NCOA7: variants seen among roughly 807,000 people sequenced by gnomAD.
The protein encoded by NCOA7 is nuclear receptor coactivator 7.
Under a neutral mutation model 104.3 loss-of-function variants are expected in NCOA7, and 45 were observed. The ratio of observed to expected loss-of-function variants is 0.43; its 90% CI spans 0.34 to 0.55. The LOEUF (loss-of-function observed/expected upper bound fraction) is 0.55, where lower values mean the gene tolerates loss of function less well. Among genes scored for constraint, NCOA7 ranks in the 20% least tolerant of loss-of-function variants. The pLI, the probability that NCOA7 is intolerant of heterozygous loss-of-function variation, is 0.02. For synonymous variants in NCOA7, 398 were observed against 402.3 expected, an observed-to-expected ratio of 0.99 and a Z score of 0.13; for missense variants, 1,041 against 1,119.7, an observed-to-expected ratio of 0.93 and a Z score of 1.00.
At chr6:125,876,435 T>C (rs1253028956) in intron 4 of NCOA7, among the ~76,000 whole-genome samples, 1 of 152,154 alleles carries the variant, frequency 6.6e-6, no homozygotes, top group Non-Finnish European at 1.5e-5. Flanking sequence ...ACTCAAGAAG[T>C]ATTGGACTCA....
At chr6:125,846,359 A>C (rs890029060) in intron 2 of NCOA7, among the ~76,000 whole-genome samples, 17 of 72,562 alleles carry the variant, frequency 2.3e-4, no homozygotes, top group Middle Eastern at 6.8e-3. Context: ...AAAGAAAAAA[A>C]AATTTTTTTT....
intron 2 of NCOA7, among the ~76,000 whole-genome samples, chr6:125,836,457 G>C (rs1483722974): frequency 6.6e-6 from 1 of 152,166 alleles, no homozygotes; most frequent in East Asian, 1.9e-4. Flanking sequence ...TGTTTGAACT[G>C]TAGCTGATAT....
In NCOA7 at chr6:125,855,200, G is replaced by A. The variant is rs745327382; in HGVS notation, c.231G>A (p.Lys77=). 1.9e-6 allele frequency: 3 copies of A among 1,612,550 alleles called. No individual in the cohort carries two copies. The highest frequency in any genetic ancestry group is 2.2e-5 in the East Asian group (1 of 44,842). Residue 77 remains lysine (K), a synonymous_variant, in exon 3 of 16, where the codon AAG becomes AAA. Coordinates refer to ENST00000392477, the MANE Select transcript of NCOA7 (RefSeq NM_181782.5). ...AAAAGAGAAAAAGTAATCAGTTAAA[G>A]GAGATCAGGCGTACAGAACTAAAGA... ...EKKKRKSNQL[K]EIRRTELKRY...
rs376310829 is a variant in NCOA7, at chr6:125,915,373, G to T, written c.2137G>T (p.Asp713Tyr). Reference sequence around the variant, plus strand: ...CACATTCTTTGTTCAGTGGTCTCCCGATGTCTATGGAAAAGATGCCAAAGA... The same window carrying T: ...CACATTCTTTGTTCAGTGGTCTCCCTATGTCTATGGAAAAGATGCCAAAGA... ...LYTFFVQWSP[D>Y]VYGKDAKEQG... is the part of the protein sequence containing the mutation. The change falls in exon 11 of 16, where the codon GAT becomes TAT. Residue 713 changes from aspartate (D) to tyrosine (Y), a missense_variant. Asp to Tyr is a radical substitution (Grantham distance 160). Around this residue, in one of 2 missense-constraint regions of NCOA7, gnomAD observed 914 missense variants for 942.7 expected, o/e 0.97. Coordinates refer to ENST00000392477, the MANE Select transcript of NCOA7 (RefSeq NM_181782.5). 7 of 1,613,686 alleles carry T rather than the reference G, an allele frequency of 4.3e-6. No individual in the cohort carries two copies. The highest frequency in any genetic ancestry group is 5.9e-6 in the Non-Finnish European group (7 of 1,179,812).
intron 11 of NCOA7, chr6:125,919,542 T>C: frequency 9.5e-7 from 1 of 1,057,778 alleles, no homozygotes; most frequent in Non-Finnish European, 1.4e-6. Context: ...TGCTGACATT[T>C]CTACCAGCAG....
chr6:125,925,908 A>G (rs1320871432), intron 13 of NCOA7, among the ~76,000 whole-genome samples: 2 of 152,232 alleles, frequency 1.3e-5, no homozygotes, highest in Non-Finnish European at 2.9e-5. Context: ...ATAGAAAAAA[A>G]GACATTTTCT....
At chr6:125,815,750 G>T (rs1777529626) in intron 2 of NCOA7, among the ~76,000 whole-genome samples, 1 of 152,166 alleles carries the variant, frequency 6.6e-6, no homozygotes, top group African/African-American at 2.4e-5. Context: ...AGCTTAATAG[G>T]TTGGACTATA....
chr6:125,915,827 A>G (rs553738813), intron 11 of NCOA7, among the ~76,000 whole-genome samples: 4 of 152,220 alleles, frequency 2.6e-5, no homozygotes, highest in Non-Finnish European at 5.9e-5. Context: ...GCAGGTACTC[A>G]TAGCTGCCAT....
At chr6:125,830,733 ATATATGTGTGTGTGTGTGTGTGTGTG>A (rs1332958814) in intron 2 of NCOA7, among the ~76,000 whole-genome samples, 1 of 111,760 alleles carries the variant, frequency 8.9e-6, no homozygotes, top group Non-Finnish European at 2.1e-5. Flanking sequence ...ATATATATAT[ATATATGTGTGTGTGTGTGTGTGTGTG>A]TATGTGTGTG....
chr6:125,911,477 A>G (rs973829468), intron 10 of NCOA7, among the ~76,000 whole-genome samples: 1 of 152,202 alleles, frequency 6.6e-6, no homozygotes, highest in Non-Finnish European at 1.5e-5. Flanking sequence ...CTTTATTGCC[A>G]GTCGGTGATC....
At chr6:125,823,307 GT>G (rs1232833202) in intron 2 of NCOA7, among the ~76,000 whole-genome samples, 45 of 152,228 alleles carry the variant, frequency 3.0e-4, no homozygotes, top group African/African-American at 1.1e-3. Context: ...ATTCAAAACA[GT>G]TTCTTTAATG....
intron 2 of NCOA7, 22 bp downstream of exon 2, chr6:125,815,426 T>C (rs1053220785): frequency 6.3e-7 from 1 of 1,596,214 alleles, no homozygotes; most frequent in Non-Finnish European, 8.6e-7. Flanking sequence ...TTTTACAAAA[T>C]TGTTATCAGT....
At chr6:125,793,834 C>T (rs1035421386) in intron 1 of NCOA7, among the ~76,000 whole-genome samples, 6 of 152,108 alleles carry the variant, frequency 3.9e-5, no homozygotes, top group African/African-American at 1.4e-4. Flanking sequence ...ATAGTGAATA[C>T]ATAAAGAGTG....
At chr6:125,810,773 A>G (rs1010340235) in intron 1 of NCOA7, among the ~76,000 whole-genome samples, 2 of 152,202 alleles carry the variant, frequency 1.3e-5, no homozygotes, top group African/African-American at 4.8e-5. Context: ...ACCTGTAAGA[A>G]CTGCATCTAT....
chr6:125,800,265 C>T (rs1286315516), intron 1 of NCOA7, among the ~76,000 whole-genome samples: 4 of 152,162 alleles, frequency 2.6e-5, no homozygotes, highest in Non-Finnish European at 5.9e-5. Context: ...GGAATGTTGT[C>T]ACATATCTGC....
chr6:125,866,289 A>G (rs1366978610), intron 3 of NCOA7, among the ~76,000 whole-genome samples: 1 of 152,080 alleles, frequency 6.6e-6, no homozygotes, highest in Non-Finnish European at 1.5e-5. Flanking sequence ...AGATCACGCC[A>G]TTGCACTCCA....
chr6:125,816,436 A>G (rs1168721085), intron 2 of NCOA7, among the ~76,000 whole-genome samples: 1 of 152,224 alleles, frequency 6.6e-6, no homozygotes, highest in East Asian at 1.9e-4. Context: ...AAGAGTCAGT[A>G]TTAAACATAA....
chr6:125,915,438 G>A lies in NCOA7; in HGVS notation c.2202G>A (p.Met734Ile). 6.2e-7 allele frequency: 1 copy of A among 1,613,902 alleles called. No homozygotes were observed. The highest frequency in any genetic ancestry group is 1.3e-5 in the African/African-American group (1 of 75,026). Residue 734 changes from methionine to isoleucine, a missense_variant, in exon 11 of 16, where the codon ATG becomes ATA. Met to Ile is a conservative substitution (Grantham distance 10). This residue lies in a region of NCOA7 where 914 missense variants were observed against 942.7 expected (regional missense o/e 0.97). Transcript: ENST00000392477. ...TGGTGGAGAAGGAAGAACTGAACAT[G>A]ATTGACAACTTCTTCAGTGAGCCAA... ...FVVVEKEELN[M>I]IDNFFSEPTT...
At chr6:125,917,031 C>A (rs1183534811) in intron 11 of NCOA7, among the ~76,000 whole-genome samples, 1 of 152,072 alleles carries the variant, frequency 6.6e-6, no homozygotes, top group Non-Finnish European at 1.5e-5. Context: ...TTTAAATATA[C>A]AAGCAAGCTT....
Sources: allele counts gnomAD v4.1 joint callset (sites outside exome capture counted in the v4.1 genomes callset), GRCh38; gene constraint gnomAD v4.1.1; regional missense constraint gnomAD v4.1.1; transcripts MANE v1.5; gene names NCBI Gene and HGNC (gene_info 2026-07-23, HGNC 2026-07-21).